The following CNTNAP2 variants were observed in gnomAD, a reference collection of about 807,000 sequenced individuals.
The protein encoded by CNTNAP2 is contactin associated protein 2.
CNTNAP2 carries 98 observed loss-of-function variants against 155.2 expected under a neutral mutation model. That is an observed-to-expected ratio of 0.63 (90% CI 0.54 to 0.75). CNTNAP2 has a LOEUF of 0.75. Among genes scored for constraint, CNTNAP2 ranks in the 30% least tolerant of loss-of-function variants. The pLI is 0.00. For synonymous variants in CNTNAP2, 651 were observed against 631.2 expected, an observed-to-expected ratio of 1.03 and a Z score of -0.47; for missense variants, 1,727 against 1,688.1, an observed-to-expected ratio of 1.02 and a Z score of -0.40.
At chr7:146,323,537 T>G (rs185830263) in intron 1 of CNTNAP2, among the ~76,000 whole-genome samples, 1 of 152,176 alleles carries the variant, frequency 6.6e-6, no homozygotes, top group African/African-American at 2.4e-5. Context: ...GCCTCTATGC[T>G]AAACATCCTT....
chr7:147,770,095 A>G (rs563360136), intron 13 of CNTNAP2, among the ~76,000 whole-genome samples: 2 of 152,298 alleles, frequency 1.3e-5, no homozygotes, highest in African/African-American at 4.8e-5. Context: ...CAAGAGTCAA[A>G]TTCTCATTGA....
chr7:147,611,996 T>G (rs1801196591), intron 12 of CNTNAP2, among the ~76,000 whole-genome samples: 1 of 152,252 alleles, frequency 6.6e-6, no homozygotes, highest in African/African-American at 2.4e-5. Context: ...TAAACAAAAC[T>G]ATCTATAAAT....
At chr7:147,305,915 T>A (rs1231182712) in intron 9 of CNTNAP2, among the ~76,000 whole-genome samples, 1 of 152,116 alleles carries the variant, frequency 6.6e-6, no homozygotes, top group African/African-American at 2.4e-5. Context: ...TCCTCGTTAT[T>A]CTCTGGCTTA....
At chr7:146,623,520 ATACTT>A (rs1427115376) in intron 1 of CNTNAP2, among the ~76,000 whole-genome samples, 4 of 152,216 alleles carry the variant, frequency 2.6e-5, no homozygotes, top group African/African-American at 9.6e-5. Context: ...TAATGATAAA[ATACTT>A]AACTTTCACA....
chr7:146,920,293 A>G (rs141776611), intron 3 of CNTNAP2, among the ~76,000 whole-genome samples: 2 of 152,186 alleles, frequency 1.3e-5, no homozygotes, highest in African/African-American at 4.8e-5. Context: ...AGGTGCCTGT[A>G]ATCTCAGCTA....
chr7:147,896,335 C>T (rs897158699), intron 13 of CNTNAP2, among the ~76,000 whole-genome samples: 7 of 152,152 alleles, frequency 4.6e-5, no homozygotes, highest in African/African-American at 1.4e-4. Flanking sequence ...CCACCGTAAC[C>T]GCCCAAGGAG....
At chr7:146,350,422 G>GA (rs1474436346) in intron 1 of CNTNAP2, among the ~76,000 whole-genome samples, 1 of 152,030 alleles carries the variant, frequency 6.6e-6, no homozygotes, top group East Asian at 1.9e-4. Flanking sequence ...AAAAACACAT[G>GA]AAAAAATGCT....
intron 5 of CNTNAP2, 34 bp from the exon 6 acceptor site, chr7:147,120,945 T>G: frequency 6.2e-7 from 1 of 1,605,290 alleles, no homozygotes. Context: ...CATAGCATCA[T>G]TGCATTGTTT....
At chr7:146,442,603 A>G (rs1796336218) in intron 1 of CNTNAP2, among the ~76,000 whole-genome samples, 1 of 152,154 alleles carries the variant, frequency 6.6e-6, no homozygotes, top group South Asian at 2.1e-4. Flanking sequence ...TGCCCCACTA[A>G]CATCTGTGGT....
chr7:146,968,225 C>G (rs370824074), intron 3 of CNTNAP2, among the ~76,000 whole-genome samples: 1 of 148,306 alleles, frequency 6.7e-6, no homozygotes, highest in East Asian at 1.9e-4. Context: ...TATTTTATTG[C>G]GGATTTTTGC....
intron 19 of CNTNAP2, among the ~76,000 whole-genome samples, chr7:148,218,198 G>A (rs1029247335): frequency 2.0e-5 from 3 of 152,146 alleles, no homozygotes; most frequent in African/African-American, 7.2e-5. Context: ...AAACAGAGAT[G>A]GGCTTTGAAT....
chr7:147,688,730 T>C (rs1584900957), intron 13 of CNTNAP2, among the ~76,000 whole-genome samples: 1 of 151,826 alleles, frequency 6.6e-6, no homozygotes, highest in Non-Finnish European at 1.5e-5. Flanking sequence ...CCTCTGTGGT[T>C]ATACTATGCT....
intron 18 of CNTNAP2, among the ~76,000 whole-genome samples, chr7:148,177,583 A>G (rs1794961704): frequency 6.6e-6 from 1 of 152,094 alleles, no homozygotes. Flanking sequence ...TTTATTGAGA[A>G]CTTGTCTGCT....
intron 14 of CNTNAP2, among the ~76,000 whole-genome samples, chr7:147,977,208 C>G (rs1385241294): frequency 6.6e-6 from 1 of 152,122 alleles, no homozygotes; most frequent in Non-Finnish European, 1.5e-5. Flanking sequence ...ACAGGGTAGA[C>G]TTGGGAGACC....
rs551005242 is a variant in CNTNAP2, at chr7:146,906,953, T to A, written c.402+67049T>A. Among the ~76,000 whole-genome samples the A allele has an allele frequency of 9.9e-3, 1,452 of 147,190 alleles. 23 individuals are homozygous for A. Among genetic ancestry groups the A allele is most frequent in the African/African-American group, 0.035 (1,385 of 39,820 alleles). Reference sequence around the variant, plus strand: ...TAGAATAACCAATACAGAGAAGTGCTTAAAGGAGCTGATGGAGCTGAAAAC... The same window carrying A: ...TAGAATAACCAATACAGAGAAGTGCATAAAGGAGCTGATGGAGCTGAAAAC... On this transcript the variant is annotated intron_variant, in intron 3 of 23. Transcript: ENST00000361727.
At chr7:148,210,901 G>A (rs568262553) in intron 18 of CNTNAP2, among the ~76,000 whole-genome samples, 1 of 152,224 alleles carries the variant, frequency 6.6e-6, no homozygotes, top group Non-Finnish European at 1.5e-5. Flanking sequence ...AGCAGATTTT[G>A]CCAATGTAAG....
At chr7:147,464,615 G>A (rs544862914) in intron 10 of CNTNAP2, among the ~76,000 whole-genome samples, 47 of 152,082 alleles carry the variant, frequency 3.1e-4, no homozygotes, top group African/African-American at 1.1e-3. Flanking sequence ...CATTAAATAA[G>A]GAGTTCTGTA....
At chr7:146,840,584 CAGAAGA>C (rs950008209) in intron 3 of CNTNAP2, among the ~76,000 whole-genome samples, 9 of 150,152 alleles carry the variant, frequency 6.0e-5, no homozygotes, top group Admixed American at 2.0e-4. Flanking sequence ...AATATTAAAC[CAGAAGA>C]AGAAGAAGAA....
At chr7:147,283,790 C>T (rs1463244711) in intron 8 of CNTNAP2, among the ~76,000 whole-genome samples, 1 of 151,840 alleles carries the variant, frequency 6.6e-6, no homozygotes, top group Non-Finnish European at 1.5e-5. Context: ...GACTCTACAA[C>T]TTGGCGTTAA....
Sources: allele counts gnomAD v4.1 joint callset (sites outside exome capture counted in the v4.1 genomes callset), GRCh38; gene constraint gnomAD v4.1.1; transcripts MANE v1.5; gene names NCBI Gene and HGNC (gene_info 2026-07-23, HGNC 2026-07-21).